NTM: variants seen among roughly 807,000 people sequenced by gnomAD.
The protein encoded by NTM is IgLON family member 2.
Under a neutral mutation model 42.1 loss-of-function variants are expected in NTM, and 13 were observed. That is an observed-to-expected ratio of 0.31 (90% CI 0.20 to 0.49). NTM has a LOEUF of 0.49. Ranked by LOEUF, NTM falls within the 20% of genes least tolerant of loss-of-function variation. The pLI, the probability that NTM is intolerant of heterozygous loss-of-function variation, is 0.99. For synonymous variants in NTM, 187 were observed against 179.2 expected, an observed-to-expected ratio of 1.04 and a Z score of -0.35; for missense variants, 373 against 452.8, an observed-to-expected ratio of 0.82 and a Z score of 1.60.
intron 1 of NTM, among the ~76,000 whole-genome samples, chr11:131,873,852 C>T (rs1246576766): frequency 3.5e-5 from 5 of 142,500 alleles, no homozygotes; most frequent in South Asian, 2.1e-4. Context: ...ATTCCCCACC[C>T]TGTGTCCATG....
chr11:131,661,109 A>T, intron 1 of NTM: 2 of 1,171,760 alleles, frequency 1.7e-6, no homozygotes, highest in Admixed American at 2.4e-5. Context: ...TTCCCCCTAG[A>T]TTCGGTGGAG....
At chr11:131,409,356 G>T (rs932640992) in intron 1 of NTM, among the ~76,000 whole-genome samples, 1 of 152,232 alleles carries the variant, frequency 6.6e-6, no homozygotes, top group Admixed American at 6.5e-5. Flanking sequence ...CTACAAAGAG[G>T]TGTTGGAGGG....
At chr11:132,182,557 C>T (rs1043418955) in intron 3 of NTM, among the ~76,000 whole-genome samples, 1 of 152,124 alleles carries the variant, frequency 6.6e-6, no homozygotes, top group Non-Finnish European at 1.5e-5. Flanking sequence ...AATGTGCACA[C>T]AATGATGGTA....
At chr11:132,209,574 T>C (rs2082504811) in intron 3 of NTM, among the ~76,000 whole-genome samples, 1 of 152,232 alleles carries the variant, frequency 6.6e-6, no homozygotes, top group Admixed American at 6.5e-5. Context: ...AAATATCTTA[T>C]ATTAATGTAA....
At chr11:132,171,624 A>G (rs2076132163) in intron 3 of NTM, among the ~76,000 whole-genome samples, 1 of 152,192 alleles carries the variant, frequency 6.6e-6, no homozygotes, top group South Asian at 2.1e-4. Context: ...AGAGACATTA[A>G]CATTCATTCC....
In NTM at chr11:131,433,331, C is replaced by T. The variant is rs141729185; in HGVS notation, c.82+62443C>T. ...TTTCCTATACAACATTCTGTTTTTC[C>T]TGGAGTTACGTATTTTCTGTGTATG... On this transcript the variant is annotated intron_variant, in intron 1 of 8. Coordinates refer to ENST00000683400, the MANE Select transcript of NTM (RefSeq NM_001352005.2). Among the ~76,000 whole-genome samples the T allele has an allele frequency of 3.8e-3, 581 of 152,048 alleles. 6 individuals carry two copies. Among genetic ancestry groups the T allele is most frequent in the African/African-American group, 0.013 (557 of 41,462 alleles).
intron 7 of NTM, among the ~76,000 whole-genome samples, chr11:132,315,351 G>GCAGACATGAGCCTGCCTTCCT (rs1400832120): frequency 2.0e-5 from 3 of 152,178 alleles, no homozygotes; most frequent in Admixed American, 6.5e-5. Context: ...AGACAGCTGT[G>GCAGACATGAGCCTGCCTTCCT]CAGACATGAG....
intron 1 of NTM, among the ~76,000 whole-genome samples, chr11:131,798,629 C>T: frequency 6.6e-6 from 1 of 152,208 alleles, no homozygotes; most frequent in East Asian, 1.9e-4. Context: ...TCACCTCAAA[C>T]AATTTAAGAC....
intron 2 of NTM, among the ~76,000 whole-genome samples, chr11:132,014,991 C>T (rs897268959): frequency 5.9e-5 from 9 of 151,638 alleles, no homozygotes; most frequent in Non-Finnish European, 8.8e-5. Flanking sequence ...GAGTGTTTCC[C>T]CCATGTTTTC....
In NTM at chr11:132,146,278, T is replaced by G. The variant is rs768747213; in HGVS notation, c.168-4T>G. ...TTGACGTACCTGTCTGGTCTTCCCT[T>G]CAGGTGCACTATTGACAACCGGGTC... is the stretch of plus-strand genomic sequence containing the variant. On this transcript the variant is annotated splice_polypyrimidine_tract_variant and splice_region_variant and intron_variant, in intron 2 of 8. Coordinates refer to ENST00000683400, the MANE Select transcript of NTM (RefSeq NM_001352005.2). The surrounding 1 kb of genome is among the most constrained non-coding windows in gnomAD (Gnocchi z 4.5). The G allele has an allele frequency of 6.2e-7, 1 of 1,614,158 alleles. No homozygotes were observed. Among genetic ancestry groups the G allele is most frequent in the South Asian group, 1.1e-5 (1 of 91,072 alleles).
chr11:131,965,875 A>G (rs1030020953), intron 2 of NTM, among the ~76,000 whole-genome samples: 3 of 143,008 alleles, frequency 2.1e-5, no homozygotes, highest in African/African-American at 5.0e-5. Context: ...TAAATAGTAC[A>G]TGGAAAAAGG....
chr11:131,637,361 T>C (rs538726993), intron 1 of NTM, among the ~76,000 whole-genome samples: 26 of 152,040 alleles, frequency 1.7e-4, no homozygotes, highest in African/African-American at 4.8e-4. Flanking sequence ...TTTGTGCATA[T>C]TGAGGGTGAT....
At chr11:131,397,560 G>A (rs1047509149) in intron 1 of NTM, among the ~76,000 whole-genome samples, 10 of 152,122 alleles carry the variant, frequency 6.6e-5, no homozygotes, top group African/African-American at 1.7e-4. Context: ...CTTTGGGCGG[G>A]CATGAGGCAA....
At chr11:131,513,172 GA>G (rs2048472668) in intron 1 of NTM, among the ~76,000 whole-genome samples, 1 of 152,218 alleles carries the variant, frequency 6.6e-6, no homozygotes. Flanking sequence ...TTCCGTGGCT[GA>G]AGGCCTGAAC....
intron 1 of NTM, among the ~76,000 whole-genome samples, chr11:131,861,555 C>A (rs2136960364): frequency 6.6e-6 from 1 of 152,278 alleles, no homozygotes; most frequent in South Asian, 2.1e-4. Flanking sequence ...GAAAGTCTCA[C>A]CGGGTTACAT....
Position 132,162,525 on chromosome 11 carries a change from G to A in NTM, c.400+16011G>A, listed in dbSNP as rs879666337. The stretch of plus-strand genomic sequence containing the variant: ...GATGTGTGAGTGTGTGTGTTTGTGG[G>A]GGGAGTGTGGATGTGAGTGCTTCTG... On this transcript the variant is annotated intron_variant, in intron 3 of 8. Coordinates refer to ENST00000683400, the MANE Select transcript of NTM (RefSeq NM_001352005.2). 2.0e-5 allele frequency among the ~76,000 whole-genome samples: 3 copies of A among 147,688 alleles called. No homozygotes were observed. The Admixed American group carries it at 2.0e-4, about 10-fold the overall frequency.
chr11:131,761,838 A>C (rs1408682879), intron 1 of NTM, among the ~76,000 whole-genome samples: 1 of 150,266 alleles, frequency 6.7e-6, no homozygotes, highest in Non-Finnish European at 1.5e-5. Context: ...TAAATAAATA[A>C]ATAAATAAAT....
chr11:131,961,859 T>C (rs6590609), intron 2 of NTM, among the ~76,000 whole-genome samples: 42,602 of 151,962 alleles, frequency 0.28, 6,266 homozygotes, highest in Middle Eastern at 0.44. Flanking sequence ...AATGCAGTGG[T>C]AGTCCCTGCA....
intron 3 of NTM, among the ~76,000 whole-genome samples, chr11:132,209,181 C>A (rs993149925): frequency 6.6e-6 from 1 of 152,240 alleles, no homozygotes; most frequent in African/African-American, 2.4e-5. Flanking sequence ...ACCCTTCAGG[C>A]AGTCAGCAAA....
Sources: allele counts gnomAD v4.1 joint callset (sites outside exome capture counted in the v4.1 genomes callset), GRCh38; gene constraint gnomAD v4.1.1; non-coding constraint Gnocchi (gnomAD v3.1); transcripts MANE v1.5; gene names NCBI Gene and HGNC (gene_info 2026-07-23, HGNC 2026-07-21).